Variants in ITGA9 observed in about 807,000 individuals in gnomAD.
ITGA9 encodes integrin alpha-9.
ITGA9 carries 56 observed loss-of-function variants against 127.8 expected under a neutral mutation model. That is an observed-to-expected ratio of 0.44 (90% CI 0.35 to 0.55). The LOEUF (loss-of-function observed/expected upper bound fraction) is 0.55, where lower values mean the gene tolerates loss of function less well. ITGA9 is among the 20% of genes least tolerant of loss of function. The pLI is 0.00. For missense variants in ITGA9, 1,196 were observed against 1,347.1 expected (o/e 0.89, Z 1.76); for synonymous variants, 508 against 514.5 (o/e 0.99, Z 0.17).
At chr3:37,518,744 C>T (rs1261741203) in intron 10 of ITGA9, among the ~76,000 whole-genome samples, 1 of 138,744 alleles carries the variant, frequency 7.2e-6, no homozygotes, top group African/African-American at 2.7e-5. Context: ...AAATTCTTCT[C>T]AGTCAGCTTC....
intron 8 of ITGA9, among the ~76,000 whole-genome samples, chr3:37,509,823 A>T (rs1698883372): frequency 6.6e-6 from 1 of 152,200 alleles, no homozygotes; most frequent in African/African-American, 2.4e-5. Flanking sequence ...GCACCCTTAA[A>T]GTTAGAAAAG....
chr3:37,779,033 G>A (rs920967979), intron 24 of ITGA9, among the ~76,000 whole-genome samples: 2 of 152,002 alleles, frequency 1.3e-5, no homozygotes, highest in East Asian at 1.9e-4. Context: ...GTATGTATAC[G>A]CATTTTGGAA....
chr3:37,775,737 A>G (rs576688386), intron 23 of ITGA9, among the ~76,000 whole-genome samples: 1 of 152,320 alleles, frequency 6.6e-6, no homozygotes, highest in South Asian at 2.1e-4. Context: ...GTGGGAGTAT[A>G]AATGTGCTCA....
intron 5 of ITGA9, among the ~76,000 whole-genome samples, chr3:37,496,320 C>T (rs1045144865): frequency 2.6e-5 from 4 of 152,162 alleles, no homozygotes; most frequent in Admixed American, 1.3e-4. Context: ...TTATGACAGT[C>T]GACAGAGTTC....
chr3:37,754,390 A>G (rs1436701460), intron 23 of ITGA9, among the ~76,000 whole-genome samples: 1 of 152,258 alleles, frequency 6.6e-6, no homozygotes, highest in African/African-American at 2.4e-5. Flanking sequence ...CAGAAATGAT[A>G]GCTAACAGGG....
chr3:37,679,285 AC>A (rs1169315160), intron 17 of ITGA9, among the ~76,000 whole-genome samples: 2 of 151,940 alleles, frequency 1.3e-5, no homozygotes, highest in African/African-American at 2.4e-5. Context: ...ATAAATAAGC[AC>A]CCCTGGAATG....
At chr3:37,560,499 T>C (rs1276490848) in intron 15 of ITGA9, among the ~76,000 whole-genome samples, 1 of 152,236 alleles carries the variant, frequency 6.6e-6, no homozygotes, top group Non-Finnish European at 1.5e-5. Context: ...ATGGTGATTC[T>C]AGTTCTAGGT....
chr3:37,572,129 C>G lies in ITGA9; in HGVS notation c.1689+29544C>G, dbSNP rs182603240. 3.5e-3 allele frequency among the ~76,000 whole-genome samples: 531 copies of G among 152,148 alleles called. 2 individuals carry two copies. Among genetic ancestry groups the G allele is most frequent in the Middle Eastern group, 0.017 (5 of 294 alleles). Reference sequence around the variant, plus strand: ...CTGGATCCTGCCCTGTAAACATGCCCAGGGGTCTCTGAGGATGGATGCGTG... The same window carrying G: ...CTGGATCCTGCCCTGTAAACATGCCGAGGGGTCTCTGAGGATGGATGCGTG... On this transcript the variant is annotated intron_variant, in intron 15 of 27. Transcript: ENST00000264741.
At chr3:37,624,014 C>T (rs928152545) in intron 15 of ITGA9, among the ~76,000 whole-genome samples, 3 of 151,946 alleles carry the variant, frequency 2.0e-5, no homozygotes, top group African/African-American at 7.3e-5. Flanking sequence ...AAAAAGATCA[C>T]ATGTTTGGTG....
chr3:37,454,415 A>G (rs1698235144), intron 1 of ITGA9, among the ~76,000 whole-genome samples: 1 of 152,246 alleles, frequency 6.6e-6, no homozygotes, highest in Non-Finnish European at 1.5e-5. Context: ...CAGTGTGGGA[A>G]AAGACAGTCT....
chr3:37,541,915 T>G (rs965428285), intron 14 of ITGA9, among the ~76,000 whole-genome samples: 6 of 152,214 alleles, frequency 3.9e-5, no homozygotes, highest in African/African-American at 1.4e-4. Context: ...ATGTACTGAT[T>G]ATAGAGCACG....
chr3:37,622,783 T>C (rs1473610721), intron 15 of ITGA9, among the ~76,000 whole-genome samples: 2 of 151,880 alleles, frequency 1.3e-5, no homozygotes, highest in East Asian at 3.9e-4. Context: ...AGGCAGAGAT[T>C]GCAATGAGCT....
intron 18 of ITGA9, among the ~76,000 whole-genome samples, chr3:37,688,424 C>T (rs893630430): frequency 3.9e-5 from 6 of 152,214 alleles, no homozygotes; most frequent in Admixed American, 3.9e-4. Flanking sequence ...AAAGTATTGC[C>T]ATGGTAAATG....
At chr3:37,593,427 A>G (rs556165922) in intron 15 of ITGA9, among the ~76,000 whole-genome samples, 1 of 152,364 alleles carries the variant, frequency 6.6e-6, no homozygotes, top group Non-Finnish European at 1.5e-5. Context: ...GGGTTACACA[A>G]CAGAAATTAA....
intron 15 of ITGA9, among the ~76,000 whole-genome samples, chr3:37,598,929 T>C (rs1272506151): frequency 6.6e-6 from 1 of 152,144 alleles, no homozygotes; most frequent in Non-Finnish European, 1.5e-5. Context: ...GCCCAGTGGG[T>C]GATGCCTTTC....
At chr3:37,608,622 T>C (rs1252634059) in intron 15 of ITGA9, among the ~76,000 whole-genome samples, 1 of 152,188 alleles carries the variant, frequency 6.6e-6, no homozygotes. Flanking sequence ...TCAGTACAAA[T>C]CGTGCTGTGT....
chr3:37,577,994 A>T (rs1699669666), intron 15 of ITGA9, among the ~76,000 whole-genome samples: 1 of 152,200 alleles, frequency 6.6e-6, no homozygotes, highest in African/African-American at 2.4e-5. Flanking sequence ...TTTAAAAAAT[A>T]ATGTAGTTTT....
intron 23 of ITGA9, among the ~76,000 whole-genome samples, chr3:37,758,737 A>G (rs2125541798): frequency 6.6e-6 from 1 of 151,778 alleles, no homozygotes; most frequent in South Asian, 2.1e-4. Context: ...AAAAGAAATG[A>G]TAGCCTTTAT....
intron 20 of ITGA9, 103 bp from the exon 21 acceptor site, chr3:37,741,627 C>A: frequency 1.1e-6 from 1 of 880,046 alleles, no homozygotes; most frequent in Middle Eastern, 2.1e-4. Flanking sequence ...TGCCATCTGC[C>A]CTTGGAGAAT....
Sources: allele counts gnomAD v4.1 joint callset (sites outside exome capture counted in the v4.1 genomes callset), GRCh38; gene constraint gnomAD v4.1.1; transcripts MANE v1.5; gene names NCBI Gene and HGNC (gene_info 2026-07-23, HGNC 2026-07-21).